Variants in SCAMP4 observed in about 807,000 individuals in gnomAD.
The protein encoded by SCAMP4 is secretory carrier-associated membrane protein 4.
In SCAMP4, 19 loss-of-function variants were observed where a neutral mutation model predicts 32.1. The ratio of observed to expected loss-of-function variants is 0.59; its 90% CI spans 0.41 to 0.87. The LOEUF is 0.87. Ranked by LOEUF, SCAMP4 falls within the 40% of genes least tolerant of loss-of-function variation. The pLI, the probability that SCAMP4 is intolerant of heterozygous loss-of-function variation, is 0.00. For missense variants in SCAMP4, 302 were observed against 309.0 expected, an observed-to-expected ratio of 0.98 and a Z score of 0.17; for synonymous variants, 152 against 132.7, an observed-to-expected ratio of 1.15 and a Z score of -1.00.
chr19:1,905,802 G>C (rs1277251199), intron 1 of SCAMP4: 4 of 152,496 alleles, frequency 2.6e-5, no homozygotes, highest in Non-Finnish European at 5.9e-5. Context: ...CCCTGCCTCT[G>C]AACCGCGCTC....
chr19:1,908,547 C>T lies in SCAMP4; in HGVS notation c.-42+3108C>T, dbSNP rs1203216795. 3 of 471,044 alleles carry T rather than the reference C, an allele frequency of 6.4e-6. No individual in the cohort carries two copies. The highest frequency in any genetic ancestry group is 6.9e-5 in the East Asian group (1 of 14,414). The allele number at this position is 471,044 out of a possible 1,614,324, so 29.2% of individuals were successfully genotyped here. On this transcript the variant is annotated intron_variant, in intron 1 of 6. Transcript: ENST00000316097. This position sits in a 1 kb window ranked among gnomAD's most constrained non-coding sequence, Gnocchi z 4.2. ...TCCAGGCTGGCAGTTCAGGATCACCCGGCTGGAGTCATTTTAAGATCATCT... is the reference window on the plus strand; with the variant it reads ...TCCAGGCTGGCAGTTCAGGATCACCTGGCTGGAGTCATTTTAAGATCATCT...
intron 2 of SCAMP4, 28 bp downstream of exon 2, chr19:1,915,054 A>G (rs2013684777): frequency 1.9e-6 from 3 of 1,613,246 alleles, no homozygotes; most frequent in East Asian, 2.2e-5. Flanking sequence ...GGGAGCCTCC[A>G]GCAGCGTGGG....
intron 4 of SCAMP4, among the ~76,000 whole-genome samples, chr19:1,918,484 G>C (rs1405832842): frequency 6.6e-6 from 1 of 152,226 alleles, no homozygotes; most frequent in South Asian, 2.1e-4. Flanking sequence ...AATTTTGGCT[G>C]GGTGCAGTGG....
At position 1,917,179 on chromosome 19, in the gene SCAMP4, G is replaced by A. The variant is rs901530884; in HGVS notation, c.8-515G>A. On this transcript the variant is annotated intron_variant, in intron 2 of 6. Coordinates refer to ENST00000316097, the MANE Select transcript of SCAMP4 (RefSeq NM_079834.4). ...AAATTAGCCGGGTGTGGTGGTGGGCGCCTGTAATCCCAGCTACTTGGGAGG... is the reference window on the plus strand; with the variant it reads ...AAATTAGCCGGGTGTGGTGGTGGGCACCTGTAATCCCAGCTACTTGGGAGG... Among the ~76,000 whole-genome samples, 45 of 152,118 alleles carry A rather than the reference G, an allele frequency of 3.0e-4. 1 individual carries two copies. The highest frequency in any genetic ancestry group is 6.3e-3 in the Middle Eastern group (2 of 316).
Position 1,923,860 on chromosome 19 carries a change from C to T in SCAMP4, c.514-248C>T, listed in dbSNP as rs544075227. On this transcript the variant is annotated intron_variant, in intron 6 of 6. Transcript: ENST00000316097. ...CAGGATGGTCTCAATCTCCTGACCT[C>T]GTGATCCTCCCGCCTCGGCCTCCCG... 2.8e-4 allele frequency among the ~76,000 whole-genome samples: 29 copies of T among 103,468 alleles called. 6 individuals carry two copies. Among genetic ancestry groups the T allele is most frequent in the African/African-American group, 1.5e-3 (23 of 15,540 alleles). 67.9% of individuals were successfully genotyped at this position (103,468 alleles called of 152,430 possible). A position where few individuals can be genotyped will look rare whatever the true frequency, so the allele number is the denominator to read the frequency against.
At chr19:1,905,726 G>A (rs8100159) in intron 1 of SCAMP4, 1 of 152,182 alleles carries the variant, frequency 6.6e-6, no homozygotes. Context: ...CCTTATGGTC[G>A]GTGCGGGAGA....
In SCAMP4 at chr19:1,912,262, C is replaced by T. The variant is rs763069426; in HGVS notation, c.-41-2717C>T. On this transcript the variant is annotated intron_variant, in intron 1 of 6. Coordinates refer to ENST00000316097, the MANE Select transcript of SCAMP4 (RefSeq NM_079834.4). The stretch of plus-strand genomic sequence containing the variant: ...GCGCCCGTCCTGGACAAGCGCCAGA[C>T]CTCACGCCTCCTGAAGGAGGTGTCG... The T allele has an allele frequency of 3.1e-6, 5 of 1,594,782 alleles. No homozygotes were observed. The highest frequency in any genetic ancestry group is 4.3e-6 in the Non-Finnish European group (5 of 1,173,842).
intron 1 of SCAMP4, among the ~76,000 whole-genome samples, chr19:1,910,697 T>C (rs1411511061): frequency 1.4e-5 from 2 of 146,116 alleles, no homozygotes; most frequent in Non-Finnish European, 3.0e-5. Context: ...TTGCCTCAGC[T>C]TCCTGAGTAG....
chr19:1,924,093 C>G lies in SCAMP4; in HGVS notation c.514-15C>G, dbSNP rs369503670. The G allele has an allele frequency of 6.3e-7, 1 of 1,599,740 alleles. No homozygotes were observed. The highest frequency in any genetic ancestry group is 8.5e-7 in the Non-Finnish European group (1 of 1,173,278). On this transcript the variant is annotated splice_polypyrimidine_tract_variant and intron_variant, in intron 6 of 6. Coordinates refer to ENST00000316097, the MANE Select transcript of SCAMP4 (RefSeq NM_079834.4). ...CATTTTCTGTCTTCTGCCTCCCTGT[C>G]CTCTGTCCTTGCAGGTGCACAGGAT...
At position 1,918,318 on chromosome 19, in the gene SCAMP4, A is replaced by G. The variant is rs769950515; in HGVS notation, c.293+35A>G. The G allele has an allele frequency of 1.9e-6, 3 of 1,545,812 alleles. No homozygotes were observed. The African/African-American group carries it at 4.1e-5, about 21-fold the overall frequency. Reference sequence around the variant, plus strand: ...GCTGCCGGGGGCCGTCTGCACCCAGAGGGAACCAGGGCCCACTCTGCACCC... The same window carrying G: ...GCTGCCGGGGGCCGTCTGCACCCAGGGGGAACCAGGGCCCACTCTGCACCC... On this transcript the variant is annotated intron_variant, in intron 4 of 6. Transcript: ENST00000316097.
At chr19:1,924,044 G>A (rs1037215513) in intron 6 of SCAMP4, 64 bp from the exon 7 acceptor site, 2 of 1,429,732 alleles carry the variant, frequency 1.4e-6, no homozygotes, top group Non-Finnish European at 1.9e-6. Context: ...ACAGGCGTGA[G>A]TCCCCGTGCC....
At chr19:1,923,998 A>T in intron 6 of SCAMP4, 110 bp from the exon 7 acceptor site, 1 of 302,320 alleles carries the variant, frequency 3.3e-6, no homozygotes, top group East Asian at 3.5e-5. Context: ...GAGCTCAGAC[A>T]GTCTGTCTGC....
intron 5 of SCAMP4, chr19:1,921,913 G>C: frequency 4.1e-6 from 4 of 985,522 alleles, no homozygotes; most frequent in Non-Finnish European, 4.8e-6. Flanking sequence ...CCAGCATCTT[G>C]CAGGGACGCG....
chr19:1,912,509 G>GTCC (rs1243937727), intron 1 of SCAMP4: 1 of 1,495,328 alleles, frequency 6.7e-7, no homozygotes, highest in Non-Finnish European at 8.8e-7. Flanking sequence ...CCAGGGGCCA[G>GTCC]TTCGAGGAGG....
rs1488780009 is a variant in SCAMP4 at position 1,918,051 on chromosome 19, C to T, written c.137-76C>T. The T allele has an allele frequency of 7.8e-6, 12 of 1,534,154 alleles. No individual in the cohort carries two copies. In the African/African-American group the frequency reaches 1.5e-4, roughly 19 times the overall value. Reference sequence around the variant, plus strand: ...GGCTGGGGAGGCGGACAGCGGGTGCCCCATTGCTGGGCCCATGCTTTCCCA... The same window carrying T: ...GGCTGGGGAGGCGGACAGCGGGTGCTCCATTGCTGGGCCCATGCTTTCCCA... On this transcript the variant is annotated intron_variant, in intron 3 of 6. Coordinates refer to ENST00000316097, the MANE Select transcript of SCAMP4 (RefSeq NM_079834.4).
At chr19:1,920,966 C>T (rs752732395) in intron 5 of SCAMP4, 12 of 985,272 alleles carry the variant, frequency 1.2e-5, no homozygotes, top group Admixed American at 6.2e-5. Flanking sequence ...CCGCAGGTCA[C>T]GGGAGAAGCT....
At chr19:1,913,127 C>T (rs1330864744) in intron 1 of SCAMP4, 5 of 1,576,126 alleles carry the variant, frequency 3.2e-6, no homozygotes, top group Non-Finnish European at 4.3e-6. Context: ...AGGAGCAGTG[C>T]CGCTGGCTGG....
At chr19:1,912,340 G>C (rs1381670425) in intron 1 of SCAMP4, 8 of 1,533,842 alleles carry the variant, frequency 5.2e-6, no homozygotes, top group Non-Finnish European at 7.0e-6. Context: ...CGGCCCAGCC[G>C]CGATGCCGGC....
At chr19:1,912,404 G>T in intron 1 of SCAMP4, 1 of 1,514,848 alleles carries the variant, frequency 6.6e-7, no homozygotes, top group East Asian at 2.6e-5. Flanking sequence ...CCTCGGGCCC[G>T]CGCTCGCTGG....
Sources: gnomAD v4.1 joint callset for allele counts (sites outside exome capture counted in the v4.1 genomes callset) on GRCh38, gnomAD v4.1.1 for gene constraint, Gnocchi (gnomAD v3.1) non-coding constraint, MANE v1.5 for transcripts, NCBI Gene and HGNC (gene_info 2026-07-23, HGNC 2026-07-21) for gene names.